The following SLC25A26 variants were observed in gnomAD, a reference collection of about 807,000 sequenced individuals.
The protein encoded by SLC25A26 is solute carrier family 25 member 26.
A neutral mutation model predicts 37.8 loss-of-function variants in SLC25A26; 36 were observed. That is an observed-to-expected ratio of 0.95 (90% confidence interval 0.73 to 1.26). The LOEUF (loss-of-function observed/expected upper bound fraction) is 1.26, where lower values mean the gene tolerates loss of function less well. Ranked by LOEUF, SLC25A26 falls within the 50% of genes most tolerant of loss-of-function variation. SLC25A26 has a pLI of 0.00. For missense variants in SLC25A26, 390 were observed against 331.1 expected, an observed-to-expected ratio of 1.18 and a Z score of -1.38; for synonymous variants, 129 against 122.5, an observed-to-expected ratio of 1.05 and a Z score of -0.35.
At chr3:66,344,547 C>G (rs550254896) in intron 5 of SLC25A26, among the ~76,000 whole-genome samples, 19 of 152,282 alleles carry the variant, frequency 1.2e-4, no homozygotes, top group African/African-American at 4.6e-4. Flanking sequence ...CATTTACACC[C>G]ACCCACATGT....
chr3:66,147,716 G>C (rs939658548), intron 1 of SLC25A26, among the ~76,000 whole-genome samples: 1 of 152,042 alleles, frequency 6.6e-6, no homozygotes, highest in Non-Finnish European at 1.5e-5. Context: ...CAATGTAAAA[G>C]CCTTCCCTTT....
intron 5 of SLC25A26, among the ~76,000 whole-genome samples, chr3:66,296,756 C>T (rs2074915040): frequency 6.6e-6 from 1 of 152,108 alleles, no homozygotes; most frequent in South Asian, 2.1e-4. Flanking sequence ...AGTTTACTAC[C>T]TCTTTTGGCT....
At chr3:66,331,363 GAT>G (rs2075969364) in intron 5 of SLC25A26, among the ~76,000 whole-genome samples, 1 of 152,080 alleles carries the variant, frequency 6.6e-6, no homozygotes, top group Non-Finnish European at 1.5e-5. Context: ...ATTGGTTTGT[GAT>G]ATACTGTTTT....
At chr3:66,162,907 A>G (rs563475576) in intron 1 of SLC25A26, among the ~76,000 whole-genome samples, 14 of 152,334 alleles carry the variant, frequency 9.2e-5, no homozygotes, top group Admixed American at 7.2e-4. Flanking sequence ...GCTTAGGCTC[A>G]GAGAGATAGA....
chr3:66,224,892 A>G (rs2071669079), intron 1 of SLC25A26, among the ~76,000 whole-genome samples: 1 of 152,256 alleles, frequency 6.6e-6, no homozygotes, highest in Non-Finnish European at 1.5e-5. Flanking sequence ...GAAATCCAAC[A>G]GGGTAGTCAC....
At chr3:66,325,260 G>T (rs1415905456) in intron 5 of SLC25A26, among the ~76,000 whole-genome samples, 1 of 152,146 alleles carries the variant, frequency 6.6e-6, no homozygotes, top group Non-Finnish European at 1.5e-5. Flanking sequence ...GAAAGGTGAG[G>T]TGATGCACAC....
chr3:66,158,179 C>G (rs1010574558), intron 1 of SLC25A26, among the ~76,000 whole-genome samples: 1 of 152,156 alleles, frequency 6.6e-6, no homozygotes, highest in African/African-American at 2.4e-5. Context: ...AGTACGGCAG[C>G]CTTTTTGAGG....
intron 5 of SLC25A26, among the ~76,000 whole-genome samples, chr3:66,276,448 C>G (rs1016900136): frequency 6.6e-6 from 1 of 151,946 alleles, no homozygotes; most frequent in African/African-American, 2.4e-5. Context: ...AAATCTTGAC[C>G]TGAGTGAGAG....
intron 5 of SLC25A26, among the ~76,000 whole-genome samples, chr3:66,312,110 G>C (rs2075395956): frequency 6.6e-6 from 1 of 152,208 alleles, no homozygotes; most frequent in Non-Finnish European, 1.5e-5. Flanking sequence ...GTTCCCCCAG[G>C]TGCCCTGTCT....
exon 1 of SLC25A26, chr3:66,133,802 G>A (rs561708446): frequency 1.3e-5 from 2 of 152,272 alleles, no homozygotes; most frequent in African/African-American, 4.8e-5. Context: ...GAGAGAAGGC[G>A]GTTCGAGTGG....
chr3:66,355,090 T>C (rs988968913), intron 6 of SLC25A26, among the ~76,000 whole-genome samples: 3 of 151,962 alleles, frequency 2.0e-5, no homozygotes, highest in African/African-American at 4.8e-5. Context: ...CCCCCACATA[T>C]CTAAAATCTA....
At chr3:66,338,858 C>T (rs1212666215) in intron 5 of SLC25A26, among the ~76,000 whole-genome samples, 3 of 151,970 alleles carry the variant, frequency 2.0e-5, no homozygotes, top group Non-Finnish European at 4.4e-5. Flanking sequence ...GCTTATTTTA[C>T]CTGGCATGGT....
At chr3:66,230,616 C>A (rs150572587) in intron 1 of SLC25A26, among the ~76,000 whole-genome samples, 4,840 of 151,438 alleles carry the variant, frequency 0.032, 263 homozygotes, top group African/African-American at 0.11. Flanking sequence ...CCAGCCTGAT[C>A]AACATGGAGA....
chr3:66,310,452 A>G (rs1188444858), intron 5 of SLC25A26, among the ~76,000 whole-genome samples: 2 of 152,104 alleles, frequency 1.3e-5, no homozygotes, highest in Non-Finnish European at 1.5e-5. Context: ...ACTCTATCCA[A>G]TTTGCCAGTC....
At position 66,270,481 on chromosome 3, in the gene SLC25A26, CCT is replaced by C. The variant is rs532519347; in HGVS notation, c.453+7103_453+7104del. ...AGCTTCATGGGAAAAGAAAAAAATC[CCT>C]GTTTGCTCTTGGAAGTTGTCCATTG... On this transcript the variant is annotated intron_variant, in intron 5 of 9. Transcript: ENST00000354883. 5.9e-5 allele frequency among the ~76,000 whole-genome samples: 9 copies of C among 152,140 alleles called. No homozygotes were observed. In the East Asian group the frequency reaches 1.4e-3, roughly 23 times the overall value.
chr3:66,154,277 G>A (rs909612285), intron 1 of SLC25A26, among the ~76,000 whole-genome samples: 1 of 152,142 alleles, frequency 6.6e-6, no homozygotes, highest in African/African-American at 2.4e-5. Flanking sequence ...TCAGCAGAGG[G>A]AGCTGATTAA....
At chr3:66,333,589 C>T (rs1234837933) in intron 5 of SLC25A26, among the ~76,000 whole-genome samples, 2 of 152,112 alleles carry the variant, frequency 1.3e-5, no homozygotes, top group Non-Finnish European at 2.9e-5. Flanking sequence ...TCATCTTGAC[C>T]CCTGTCTTTC....
In SLC25A26 at chr3:66,279,527, G is replaced by T. The variant is rs1384075364; in HGVS notation, c.453+16148G>T. Among the ~76,000 whole-genome samples the T allele has an allele frequency of 3.9e-5, 6 of 152,078 alleles. 1 individual carries two copies. The South Asian group carries it at 8.3e-4, about 21-fold the overall frequency. Reference sequence around the variant, plus strand: ...TATTTGATTCTGATTTTTTTGGGGAGGTGGGGTCAGGTAATTATCTTTCTC... The same window carrying T: ...TATTTGATTCTGATTTTTTTGGGGATGTGGGGTCAGGTAATTATCTTTCTC... On this transcript the variant is annotated intron_variant, in intron 5 of 9. Transcript: ENST00000354883.
chr3:66,209,905 TATA>T (rs2071259156), intron 1 of SLC25A26, among the ~76,000 whole-genome samples: 8 of 19,720 alleles, frequency 4.1e-4, no homozygotes, highest in South Asian at 2.3e-3. Context: ...TATTTATATA[TATA>T]TATATATATA....
Sources: allele counts gnomAD v4.1 joint callset (sites outside exome capture counted in the v4.1 genomes callset), GRCh38; gene constraint gnomAD v4.1.1; transcripts MANE v1.5; gene names NCBI Gene and HGNC (gene_info 2026-07-23, HGNC 2026-07-21).